Variants in TMC3 observed in about 807,000 individuals in gnomAD.
TMC3 encodes the protein transmembrane channel like 3.
TMC3 carries 98 observed loss-of-function variants against 110.6 expected under a neutral mutation model. That is an observed-to-expected ratio of 0.89 (90% CI 0.75 to 1.05). The LOEUF is 1.05. Among genes scored for constraint, TMC3 ranks in the 50% least tolerant of loss-of-function variants. The pLI is 0.00. For missense variants in TMC3, 1,319 were observed against 1,373.2 expected, an observed-to-expected ratio of 0.96 and a Z score of 0.62; for synonymous variants, 489 against 513.1, an observed-to-expected ratio of 0.95 and a Z score of 0.63.
Position 81,334,985 on chromosome 15 carries a change from G to A in TMC3, c.2204-10C>T. The A allele has an allele frequency of 6.2e-7, 1 of 1,612,684 alleles. No homozygotes were observed. The highest frequency in any genetic ancestry group is 8.5e-7 in the Non-Finnish European group (1 of 1,178,758). On this transcript the variant is annotated splice_polypyrimidine_tract_variant and intron_variant, in intron 20 of 21. Transcript: ENST00000359440. ...TGGGTCTGGATTCGGGCTGCAGGGA[G>A]AGGGAGGTGTTGTGAGAAGACAGGT... is the stretch of plus-strand genomic sequence containing the variant.
chr15:81,331,116 G>A lies in TMC3; in HGVS notation c.*1303C>T, dbSNP rs1881852810. The A allele has an allele frequency of 1.3e-5, 2 of 152,240 alleles. No individual in the cohort carries two copies. The highest frequency in any genetic ancestry group is 1.3e-4 in the Admixed American group (2 of 15,292). The allele number at this position is 152,240 out of a possible 1,614,324, so 9.4% of individuals were successfully genotyped here. On this transcript the variant is annotated 3_prime_UTR_variant, in exon 22 of 22. Coordinates refer to ENST00000359440, the MANE Select transcript of TMC3 (RefSeq NM_001080532.3). ...GTTCAGGAAAGGTCTTTATTAAAAGGTGATCACCTGGCTCAGTAGGACTAG... is the reference window on the plus strand; with the variant it reads ...GTTCAGGAAAGGTCTTTATTAAAAGATGATCACCTGGCTCAGTAGGACTAG...
Position 81,362,031 on chromosome 15 carries a change from A to G in TMC3, c.394+189T>C, listed in dbSNP as rs373524342. The G allele has an allele frequency of 2.9e-5, 15 of 515,942 alleles. No individual in the cohort carries two copies. In the East Asian group the frequency reaches 4.9e-4, roughly 17 times the overall value. 32.0% of individuals were successfully genotyped at this position (515,942 alleles called of 1,614,324 possible). A position where few individuals can be genotyped will look rare whatever the true frequency, so the allele number is the denominator to read the frequency against. ...AAAGGCCCACGTCCAGACTGTTCCC[A>G]TTCTGGTAGGTGGTGGGGGCAGGTA... On this transcript the variant is annotated intron_variant, in intron 4 of 21. Coordinates refer to ENST00000359440, the MANE Select transcript of TMC3 (RefSeq NM_001080532.3).
At chr15:81,334,437 T>C (rs1893544960) in intron 21 of TMC3, among the ~76,000 whole-genome samples, 1 of 152,172 alleles carries the variant, frequency 6.6e-6, no homozygotes, top group Admixed American at 6.5e-5. Context: ...AACTAAAAAA[T>C]AAACAGTTAT....
intron 14 of TMC3, among the ~76,000 whole-genome samples, chr15:81,343,703 T>C (rs1893760360): frequency 6.7e-6 from 1 of 150,010 alleles, no homozygotes; most frequent in African/African-American, 2.5e-5. Flanking sequence ...GGCAGGAGGA[T>C]CGCTTGAGCA....
intron 13 of TMC3, 39 bp downstream of exon 13, chr15:81,344,727 A>T (rs1409702688): frequency 6.3e-7 from 1 of 1,596,422 alleles, no homozygotes; most frequent in East Asian, 2.2e-5. Context: ...AAGTGATGAG[A>T]TGGATATGAC....
chr15:81,364,014 T>A (rs1343543668), intron 3 of TMC3, among the ~76,000 whole-genome samples: 1 of 152,214 alleles, frequency 6.6e-6, no homozygotes, highest in Non-Finnish European at 1.5e-5. Context: ...GGAAGTTATT[T>A]TATTTCCTTG....
chr15:81,333,759 C>T (rs940673765), intron 21 of TMC3, among the ~76,000 whole-genome samples: 1 of 152,158 alleles, frequency 6.6e-6, no homozygotes, highest in East Asian at 1.9e-4. Flanking sequence ...GAGGCCAAGG[C>T]AGGTGGATCA....
chr15:81,372,493 T>G, intron 2 of TMC3, 98 bp downstream of exon 2: 1 of 1,473,506 alleles, frequency 6.8e-7, no homozygotes, highest in Non-Finnish European at 9.4e-7. Flanking sequence ...GAGCCATCTC[T>G]CTCACATGAG....
chr15:81,363,069 A>G (rs1033068211), intron 3 of TMC3, among the ~76,000 whole-genome samples: 27 of 152,186 alleles, frequency 1.8e-4, no homozygotes, highest in Non-Finnish European at 2.9e-4. Flanking sequence ...AGCCTGGCCA[A>G]TAAAGTGAAA....
At chr15:81,356,651 T>C (rs1894070280) in intron 7 of TMC3, 57 bp from the exon 8 acceptor site, 32 of 1,536,910 alleles carry the variant, frequency 2.1e-5, no homozygotes, top group Non-Finnish European at 2.8e-5. Context: ...GGGCTGTAGC[T>C]AGCACCCATG....
In TMC3 at chr15:81,331,550, C is replaced by T. The variant is rs542428098; in HGVS notation, c.*869G>A. On this transcript the variant is annotated 3_prime_UTR_variant, in exon 22 of 22. Transcript: ENST00000359440. ...ATTATACTTGTAAAATTCATGAATT[C>T]CTTCTTCAACACAACCCCCAGGAAT... 3.7e-4 allele frequency: 57 copies of T among 152,240 alleles called. No individual in the cohort carries two copies. Among genetic ancestry groups the T allele is most frequent in the African/African-American group, 1.3e-3 (55 of 41,544 alleles). 9.4% of individuals were successfully genotyped at this position (152,240 alleles called of 1,614,324 possible). A position where few individuals can be genotyped will look rare whatever the true frequency, so the allele number is the denominator to read the frequency against.
intron 10 of TMC3, among the ~76,000 whole-genome samples, chr15:81,350,030 T>C (rs1893912723): frequency 6.6e-6 from 1 of 150,678 alleles, no homozygotes; most frequent in Admixed American, 6.6e-5. Flanking sequence ...GAGAATTGCT[T>C]GAGGCCAGGT....
intron 9 of TMC3, among the ~76,000 whole-genome samples, chr15:81,353,679 A>T (rs541960342): frequency 6.6e-6 from 1 of 152,350 alleles, no homozygotes; most frequent in East Asian, 1.9e-4. Flanking sequence ...AGTAGGCTAT[A>T]CCATCTAGCT....
intron 12 of TMC3, among the ~76,000 whole-genome samples, 175 bp downstream of exon 12, chr15:81,346,190 A>G (rs1893824670): frequency 1.3e-5 from 2 of 152,340 alleles, no homozygotes; most frequent in Middle Eastern, 3.4e-3. Flanking sequence ...TCTGGGAAAC[A>G]GGGATCATTT....
At chr15:81,341,343 A>G in intron 16 of TMC3, 47 bp downstream of exon 16, 1 of 1,557,006 alleles carries the variant, frequency 6.4e-7, no homozygotes, top group Non-Finnish European at 8.7e-7. Flanking sequence ...TGGATTATAT[A>G]TATGTATATA....
At chr15:81,365,452 C>T (rs1312360053) in intron 3 of TMC3, among the ~76,000 whole-genome samples, 2 of 152,132 alleles carry the variant, frequency 1.3e-5, no homozygotes, top group African/African-American at 4.8e-5. Flanking sequence ...GCGGGCAGAT[C>T]ACAAGGTCAG....
chr15:81,359,314 G>A lies in TMC3; in HGVS notation c.501+51C>T, dbSNP rs1894134329. 2.3e-6 allele frequency: 3 copies of A among 1,321,396 alleles called. No homozygotes were observed. In the East Asian group the frequency reaches 7.3e-5, roughly 32 times the overall value. 81.9% of individuals were successfully genotyped at this position (1,321,396 alleles called of 1,614,324 possible). On this transcript the variant is annotated intron_variant, in intron 5 of 21. Coordinates refer to ENST00000359440, the MANE Select transcript of TMC3 (RefSeq NM_001080532.3). ...ACCAGAGGAGCCATTTTATGCGACT[G>A]CTGTAATGTCTCCTCTTTGTAATGA...
rs374926121 is a variant in TMC3 at position 81,334,894 on chromosome 15, G to A, written c.2285C>T (p.Ser762Leu). Residue 762 changes from serine to leucine, a missense_variant, in exon 21 of 22, where the codon TCG becomes TTG. Physicochemically the swap from Ser to Leu is moderately radical, Grantham distance 145. Transcript: ENST00000359440. ...GTTGCCGTTGTTTTGGGGTGTGCCC[G>A]AGTGCGCTGAGGACAGCTGGCTGGT... ...DLTSQLSSAH[S>L]GTPQNNGNVA... is the part of the protein sequence containing the mutation. 78 of 1,613,924 alleles carry A rather than the reference G, an allele frequency of 4.8e-5. No homozygotes were observed. The highest frequency in any genetic ancestry group is 4.3e-4 in the African/African-American group (32 of 74,916).
Position 81,332,214 on chromosome 15 carries a change from A to G in TMC3, c.*205T>C, listed in dbSNP as rs1313056478. 1.1e-5 allele frequency: 7 copies of G among 626,748 alleles called. No individual in the cohort carries two copies. The allele number at this position is 626,748 out of a possible 1,614,324, so 38.8% of individuals were successfully genotyped here. A position where few individuals can be genotyped will look rare whatever the true frequency, so the allele number is the denominator to read the frequency against. ...CTGGTGACATACTTTGGTGCCACCT[A>G]ACTCGGATAAATTTGGCTAACAGTA... On this transcript the variant is annotated 3_prime_UTR_variant, in exon 22 of 22. Transcript: ENST00000359440.
Sources: allele counts gnomAD v4.1 joint callset (sites outside exome capture counted in the v4.1 genomes callset), GRCh38; gene constraint gnomAD v4.1.1; transcripts MANE v1.5; gene names NCBI Gene and HGNC (gene_info 2026-07-23, HGNC 2026-07-21).